Variants in MYO7B observed in about 807,000 individuals in gnomAD.
MYO7B encodes the protein unconventional myosin-VIIb.
MYO7B carries 212 observed loss-of-function variants against 259.7 expected under a neutral mutation model. That is an observed-to-expected ratio of 0.82 (90% CI 0.73 to 0.91). The LOEUF (loss-of-function observed/expected upper bound fraction) is 0.91. MYO7B is among the 40% of genes least tolerant of loss of function. MYO7B has a pLI of 0.00. For missense variants in MYO7B, 2,732 were observed against 2,813.5 expected (o/e 0.97, Z 0.66); for synonymous variants, 1,197 against 1,166.4 (o/e 1.03, Z -0.54).
rs1678892666 is a variant in MYO7B at position 127,576,883 on chromosome 2, C to G, written c.849+175C>G. On this transcript the variant is annotated intron_variant, in intron 8 of 47. Transcript: ENST00000409816. This position sits in a 1 kb window ranked among gnomAD's most constrained non-coding sequence, Gnocchi z 4.9. ...CCCTCTCTGCTGGGAATCACCTTGC[C>G]CGCGTGCCTCCCGCTTCCCCGTCAC... Among the ~76,000 whole-genome samples, 1 of 152,098 alleles carries G rather than the reference C, an allele frequency of 6.6e-6. No homozygotes were observed. The highest frequency in any genetic ancestry group is 2.1e-4 in the South Asian group (1 of 4,832).
intron 1 of MYO7B, among the ~76,000 whole-genome samples, chr2:127,553,716 G>C (rs1200157071): frequency 6.6e-6 from 1 of 152,202 alleles, no homozygotes; most frequent in Non-Finnish European, 1.5e-5. Flanking sequence ...GCAACAGTTT[G>C]ACTTCCTCTT....
At chr2:127,629,984 T>C (rs1681381252) in intron 35 of MYO7B, among the ~76,000 whole-genome samples, 158 bp downstream of exon 35, 1 of 152,174 alleles carries the variant, frequency 6.6e-6, no homozygotes, top group South Asian at 2.1e-4. Flanking sequence ...TGCGGCAAGG[T>C]GTGTGTGCAG....
At chr2:127,629,343 G>A (rs1319514304) in intron 34 of MYO7B, among the ~76,000 whole-genome samples, 2 of 152,204 alleles carry the variant, frequency 1.3e-5, no homozygotes, top group African/African-American at 2.4e-5. Context: ...GCCAGCCTGT[G>A]CATCCTCCCC....
intron 31 of MYO7B, chr2:127,626,672 G>T (rs566999864): frequency 3.7e-6 from 1 of 270,398 alleles, no homozygotes; most frequent in Non-Finnish European, 7.1e-6. Flanking sequence ...CCAGCTACTC[G>T]GGAGGCTGAG....
In MYO7B at chr2:127,584,694, GCCTCCATGAGGAAGTCCCTGAGCCTC is replaced by G; in HGVS notation, c.1555-83_1555-58del. On this transcript the variant is annotated intron_variant, in intron 13 of 47. Transcript: ENST00000409816. This position sits in a 1 kb window ranked among gnomAD's most constrained non-coding sequence, Gnocchi z 5.8. Reference sequence around the variant, plus strand: ...AATCATTCTGAGCCCAGATCTCTTTGCCTCCATGAGGAAGTCCCTGAGCCTCACCTCCCCATGGCTGGACTCTGGGA... The same window carrying G: ...AATCATTCTGAGCCCAGATCTCTTTGACCTCCCCATGGCTGGACTCTGGGA... 6.6e-7 allele frequency: 1 copy of G among 1,506,836 alleles called. No homozygotes were observed. 93.3% of individuals were successfully genotyped at this position (1,506,836 alleles called of 1,614,324 possible).
At position 127,614,111 on chromosome 2, in the gene MYO7B, C is replaced by T. The variant is rs1044957760; in HGVS notation, c.3398+1508C>T. 6.6e-6 allele frequency among the ~76,000 whole-genome samples: 1 copy of T among 152,198 alleles called. No individual in the cohort carries two copies. Among genetic ancestry groups the T allele is most frequent in the African/African-American group, 2.4e-5 (1 of 41,434 alleles). On this transcript the variant is annotated intron_variant, in intron 26 of 47. Transcript: ENST00000409816. The surrounding 1 kb of genome is among the most constrained non-coding windows in gnomAD (Gnocchi z 4.6). ...CATGGTTAATCCTCACTGGCCACCA[C>T]ACCACACCCTCCAATATGGCAGACA... is the stretch of plus-strand genomic sequence containing the variant.
chr2:127,558,262 TG>T (rs562948320), intron 1 of MYO7B, among the ~76,000 whole-genome samples: 13 of 152,154 alleles, frequency 8.5e-5, no homozygotes, highest in Non-Finnish European at 1.6e-4. Flanking sequence ...ACATCACTAA[TG>T]ATCAGGGAAA....
At chr2:127,629,592 A>C (rs1573720518) in intron 34 of MYO7B, 53 bp from the exon 35 acceptor site, 1 of 1,541,388 alleles carries the variant, frequency 6.5e-7, no homozygotes, top group African/African-American at 1.4e-5. Flanking sequence ...AAATTCCAGC[A>C]CAGCCTCTGG....
intron 26 of MYO7B, among the ~76,000 whole-genome samples, chr2:127,618,143 G>A (rs1333001232): frequency 1.3e-5 from 2 of 152,140 alleles, no homozygotes; most frequent in East Asian, 1.9e-4. Flanking sequence ...GATTGTCCCT[G>A]TTACGTCCCT....
At chr2:127,632,593 G>A (rs1396362667) in intron 39 of MYO7B, among the ~76,000 whole-genome samples, 192 bp downstream of exon 39, 1 of 152,202 alleles carries the variant, frequency 6.6e-6, no homozygotes, top group African/African-American at 2.4e-5. Flanking sequence ...GGAGGGTCAA[G>A]AGAAGGCTCA....
intron 14 of MYO7B, among the ~76,000 whole-genome samples, chr2:127,587,777 C>T (rs1375920903): frequency 6.6e-6 from 1 of 152,028 alleles, no homozygotes; most frequent in African/African-American, 2.4e-5. Flanking sequence ...CCATGTTGGT[C>T]AGGCTGGTCT....
Position 127,628,373 on chromosome 2 carries a change from G to A in MYO7B, c.4462G>A (p.Glu1488Lys), listed in dbSNP as rs192900059. 2.5e-6 allele frequency: 4 copies of A among 1,598,956 alleles called. No individual in the cohort carries two copies. The highest frequency in any genetic ancestry group is 3.4e-6 in the Non-Finnish European group (4 of 1,175,244). The change falls in exon 34 of 48, where the codon GAG (glutamate) becomes AAG (lysine). Residue 1488 changes from glutamate (E) to lysine (K), a missense_variant and splice_region_variant. This residue lies in a region of MYO7B where 1,906 missense variants were observed against 2,026.4 expected (regional missense o/e 0.94). Coordinates refer to ENST00000409816, the MANE Select transcript of MYO7B (RefSeq NM_001393586.1). This position sits in a 1 kb window ranked among gnomAD's most constrained non-coding sequence, Gnocchi z 4.8. ...GGTCACGCTGTCCTTCATCTCCAGG[G>A]AGGCCCAGGGCGGGCAGAGGCTGCT... ...PEVMGLATNR[E>K]AQGGQRLLLS...
intron 6 of MYO7B, 64 bp from the exon 7 acceptor site, chr2:127,573,856 A>C: frequency 6.3e-7 from 1 of 1,598,354 alleles, no homozygotes; most frequent in Non-Finnish European, 8.6e-7. Flanking sequence ...CTCTTACATG[A>C]TCCCACTCAA....
At chr2:127,616,062 G>A (rs1680561317) in intron 26 of MYO7B, among the ~76,000 whole-genome samples, 1 of 152,238 alleles carries the variant, frequency 6.6e-6, no homozygotes, top group Non-Finnish European at 1.5e-5. Context: ...CGGGAGGCAT[G>A]CCGTTGCTGA....
intron 6 of MYO7B, 106 bp downstream of exon 6, chr2:127,570,016 T>C: frequency 2.2e-6 from 3 of 1,336,114 alleles, no homozygotes; most frequent in Non-Finnish European, 3.0e-6. Context: ...CTTCAGCAAC[T>C]CCTCCAGACC....
rs1430648729 is a variant in MYO7B, at chr2:127,629,724, C to A, written c.4704C>A (p.Asn1568Lys). 1.2e-6 allele frequency: 2 copies of A among 1,612,334 alleles called. No individual in the cohort carries two copies. Among genetic ancestry groups the A allele is most frequent in the South Asian group, 2.2e-5 (2 of 90,962 alleles). Residue 1568 changes from asparagine to lysine, a missense_variant, in exon 35 of 48, where the codon AAC becomes AAA. By Grantham distance (94) the Asn-to-Lys change is moderately conservative. Coordinates refer to ENST00000409816, the MANE Select transcript of MYO7B (RefSeq NM_001393586.1). ...AGCAGGGGCTGCTGGCCTCTGAGAA[C>A]TGGACCCTCGGCCAGAACGACAGGA... ...TKKQGLLASE[N>K]WTLGQNDRTG...
intron 1 of MYO7B, among the ~76,000 whole-genome samples, chr2:127,538,574 T>C (rs1692881516): frequency 6.6e-6 from 1 of 151,870 alleles, no homozygotes; most frequent in South Asian, 2.1e-4. Flanking sequence ...TTCTTTCTTT[T>C]TTTTTTTTTG....
intron 29 of MYO7B, 115 bp from the exon 30 acceptor site, chr2:127,623,978 C>A: frequency 1.0e-6 from 1 of 973,710 alleles, no homozygotes; most frequent in Non-Finnish European, 1.5e-6. Flanking sequence ...TCAGCCCACG[C>A]TGGGCTCCAA....
In MYO7B at chr2:127,637,633, A is replaced by C. The variant is rs1238410625; in HGVS notation, c.*216A>C. The C allele has an allele frequency of 8.9e-6, 4 of 448,646 alleles. No homozygotes were observed. The highest frequency in any genetic ancestry group is 1.6e-5 in the Non-Finnish European group (4 of 254,752). 27.8% of individuals were successfully genotyped at this position (448,646 alleles called of 1,614,324 possible). ...CCCAGAATGGGGTCGGGAGTCTCGGACCCCCAGGCTATTGGTGGATGACTG... is the reference window on the plus strand; with the variant it reads ...CCCAGAATGGGGTCGGGAGTCTCGGCCCCCCAGGCTATTGGTGGATGACTG... On this transcript the variant is annotated 3_prime_UTR_variant, in exon 48 of 48. Transcript: ENST00000409816.
Sources: gnomAD v4.1 joint callset for allele counts (sites outside exome capture counted in the v4.1 genomes callset) on GRCh38, gnomAD v4.1.1 for gene constraint, gnomAD v4.1.1 regional missense constraint, Gnocchi (gnomAD v3.1) non-coding constraint, MANE v1.5 for transcripts, NCBI Gene and HGNC (gene_info 2026-07-23, HGNC 2026-07-21) for gene names.